The following PDGFC variants were observed in gnomAD, a reference collection of about 807,000 sequenced individuals.
The protein encoded by PDGFC is platelet derived growth factor C, also known as platelet-derived growth factor C.
Under a neutral mutation model 35.5 loss-of-function variants are expected in PDGFC, and 12 were observed. That is an observed-to-expected ratio of 0.34 (90% CI 0.22 to 0.55). PDGFC has a LOEUF of 0.55. Ranked by LOEUF, PDGFC falls within the 20% of genes least tolerant of loss-of-function variation. The probability of loss-of-function intolerance (pLI) is 0.91; values close to 1 mark genes in which losing one functional copy is unlikely to be tolerated. For synonymous variants in PDGFC, 159 were observed against 148.8 expected, an observed-to-expected ratio of 1.07 and a Z score of -0.50; for missense variants, 322 against 412.4, an observed-to-expected ratio of 0.78 and a Z score of 1.90.
intron 1 of PDGFC, among the ~76,000 whole-genome samples, chr4:156,881,531 T>C (rs1444052740): frequency 2.6e-5 from 4 of 152,040 alleles, no homozygotes; most frequent in African/African-American, 7.2e-5. Flanking sequence ...CCTGTGGTGT[T>C]CTCATGATAA....
intron 2 of PDGFC, among the ~76,000 whole-genome samples, chr4:156,840,899 C>A (rs1446663473): frequency 6.6e-6 from 1 of 152,010 alleles, no homozygotes; most frequent in Non-Finnish European, 1.5e-5. Context: ...TGCTATAGCC[C>A]CTATGTTTAA....
chr4:156,764,201 T>C (rs1304376938), intron 5 of PDGFC, among the ~76,000 whole-genome samples: 1 of 152,194 alleles, frequency 6.6e-6, no homozygotes, highest in East Asian at 1.9e-4. Flanking sequence ...GTCCTAAAAA[T>C]GTTCATTAAT....
chr4:156,852,901 G>T (rs1207992742), intron 1 of PDGFC, among the ~76,000 whole-genome samples: 1 of 152,154 alleles, frequency 6.6e-6, no homozygotes, highest in Non-Finnish European at 1.5e-5. Flanking sequence ...GAACAACTCA[G>T]TTCTGAAAGA....
At chr4:156,890,295 A>T (rs1346113715) in intron 1 of PDGFC, among the ~76,000 whole-genome samples, 2 of 152,058 alleles carry the variant, frequency 1.3e-5, no homozygotes, top group Admixed American at 6.6e-5. Flanking sequence ...CACTGCAAAA[A>T]AACAGCATGT....
chr4:156,851,820 A>C (rs1017266462), intron 1 of PDGFC, among the ~76,000 whole-genome samples: 3 of 150,320 alleles, frequency 2.0e-5, no homozygotes, highest in African/African-American at 7.3e-5. Flanking sequence ...AGTCCCTGCT[A>C]CTCCGGAGGC....
At chr4:156,946,806 A>C (rs1031063006) in intron 1 of PDGFC, among the ~76,000 whole-genome samples, 2 of 152,048 alleles carry the variant, frequency 1.3e-5, no homozygotes, top group Non-Finnish European at 2.9e-5. Flanking sequence ...ACAGTATCTC[A>C]ATCACTCCCA....
At chr4:156,916,624 C>T (rs984379847) in intron 1 of PDGFC, among the ~76,000 whole-genome samples, 2 of 152,196 alleles carry the variant, frequency 1.3e-5, no homozygotes, top group African/African-American at 2.4e-5. Flanking sequence ...GCTGTTGTCT[C>T]GCTGTCTGAA....
chr4:156,914,598 T>C (rs536738449), intron 1 of PDGFC, among the ~76,000 whole-genome samples: 14 of 152,292 alleles, frequency 9.2e-5, no homozygotes, highest in Non-Finnish European at 1.8e-4. Context: ...CTAAAGCCTA[T>C]CCACTAGGTT....
chr4:156,776,831 C>T (rs1362465100), intron 3 of PDGFC, among the ~76,000 whole-genome samples: 1 of 152,108 alleles, frequency 6.6e-6, no homozygotes, highest in East Asian at 1.9e-4. Context: ...TTTGACTAAA[C>T]TGCATAATCA....
chr4:156,779,148 C>A, intron 3 of PDGFC: 1 of 456,196 alleles, frequency 2.2e-6, no homozygotes, highest in Non-Finnish European at 4.4e-6. Flanking sequence ...AGGAACAACT[C>A]ACGGGAGGTT....
chr4:156,839,526 C>T (rs926969628), intron 2 of PDGFC, among the ~76,000 whole-genome samples: 27 of 152,156 alleles, frequency 1.8e-4, no homozygotes, highest in African/African-American at 5.8e-4. Context: ...CAGTTCTTTA[C>T]AGCCGCGTGA....
At chr4:156,824,325 TATAC>T (rs1191027062) in intron 2 of PDGFC, among the ~76,000 whole-genome samples, 49 of 109,588 alleles carry the variant, frequency 4.5e-4, no homozygotes, top group African/African-American at 8.7e-4. Flanking sequence ...TATATATATA[TATAC>T]ACACACACAC....
intron 1 of PDGFC, among the ~76,000 whole-genome samples, chr4:156,901,249 C>T (rs968129150): frequency 5.3e-5 from 8 of 152,158 alleles, no homozygotes; most frequent in Non-Finnish European, 8.8e-5. Context: ...GATATTGAGA[C>T]ACCCACGAAT....
At chr4:156,867,418 A>G (rs905646037) in intron 1 of PDGFC, among the ~76,000 whole-genome samples, 7 of 152,212 alleles carry the variant, frequency 4.6e-5, no homozygotes, top group African/African-American at 1.7e-4. Context: ...TTTTAAAAGC[A>G]TGCAATGTCT....
At chr4:156,963,623 C>T (rs1732394044) in intron 1 of PDGFC, among the ~76,000 whole-genome samples, 1 of 152,026 alleles carries the variant, frequency 6.6e-6, no homozygotes, top group Admixed American at 6.6e-5. Flanking sequence ...GGAAACAGGG[C>T]AAATAACCGT....
intron 3 of PDGFC, among the ~76,000 whole-genome samples, chr4:156,796,799 C>T (rs1478221592): frequency 1.3e-5 from 2 of 152,012 alleles, no homozygotes; most frequent in African/African-American, 4.8e-5. Context: ...TGCATACTAT[C>T]ATTATTACTA....
At chr4:156,924,907 A>T (rs1032631991) in intron 1 of PDGFC, among the ~76,000 whole-genome samples, 4 of 152,222 alleles carry the variant, frequency 2.6e-5, no homozygotes, top group Admixed American at 2.0e-4. Flanking sequence ...GGCTCAAGCC[A>T]GGAAGAGACA....
intron 1 of PDGFC, among the ~76,000 whole-genome samples, chr4:156,894,511 T>A (rs1316085825): frequency 1.3e-5 from 2 of 152,218 alleles, no homozygotes; most frequent in Admixed American, 6.5e-5. Context: ...AATAGGAGTT[T>A]ATAATACAAT....
At chr4:156,880,239 TAG>T in intron 1 of PDGFC, among the ~76,000 whole-genome samples, 1 of 152,278 alleles carries the variant, frequency 6.6e-6, no homozygotes, top group South Asian at 2.1e-4. Context: ...ATTGGACAAG[TAG>T]ACTCTCTTGT....
Sources: allele counts gnomAD v4.1 joint callset (sites outside exome capture counted in the v4.1 genomes callset), GRCh38; gene constraint gnomAD v4.1.1; transcripts MANE v1.5; gene names NCBI Gene and HGNC (gene_info 2026-07-23, HGNC 2026-07-21).